KANSL1: variants seen among roughly 807,000 people sequenced by gnomAD.
KANSL1 encodes MLL1/MLL complex subunit KANSL1.
In KANSL1, 22 loss-of-function variants were observed where a neutral mutation model predicts 103.6. The ratio of observed to expected loss-of-function variants is 0.21; its 90% CI spans 0.15 to 0.30. The LOEUF is 0.30. Among genes scored for constraint, KANSL1 ranks in the 10% least tolerant of loss-of-function variants. KANSL1 has a pLI of 1.00. For synonymous variants in KANSL1, 600 were observed against 527.6 expected (o/e 1.14, Z -1.88); for missense variants, 1,337 against 1,399.8 (o/e 0.96, Z 0.72).
At chr17:46,102,947 C>T (rs1262169351) in intron 2 of KANSL1, among the ~76,000 whole-genome samples, 4 of 152,164 alleles carry the variant, frequency 2.6e-5, no homozygotes, top group Admixed American at 2.0e-4. Context: ...TTTAAACAGA[C>T]CTCCAAAGCA....
intron 1 of KANSL1, among the ~76,000 whole-genome samples, chr17:46,185,944 C>T (rs1163565588): frequency 2.6e-5 from 4 of 152,036 alleles, no homozygotes; most frequent in Non-Finnish European, 5.9e-5. Context: ...ATTCAAATTT[C>T]CTACCACTCT....
At chr17:46,225,247 A>G (rs1453687910), upstream of KANSL1, 2 of 152,754 alleles carry the variant, frequency 1.3e-5, no homozygotes, top group Admixed American at 6.6e-5. Flanking sequence ...CGGGTCAGGG[A>G]CACCTCCTCT....
chr17:46,224,227 T>A (rs1442716379), upstream of KANSL1, among the ~76,000 whole-genome samples: 3 of 152,204 alleles, frequency 2.0e-5, no homozygotes, highest in Non-Finnish European at 2.9e-5. Context: ...AGTTTCAGAG[T>A]CAATTCCACA....
At chr17:46,202,661 G>C (rs1302917967) in intron 1 of KANSL1, among the ~76,000 whole-genome samples, 4 of 152,100 alleles carry the variant, frequency 2.6e-5, no homozygotes, top group Non-Finnish European at 5.9e-5. Flanking sequence ...AACATGACTG[G>C]AATTCAGGAA....
rs5820607 is a variant in KANSL1 at position 46,030,590 on chromosome 17, G to GA, written c.*885dup. 21,141 of 142,312 alleles carry GA rather than the reference G, an allele frequency of 0.15. 1,760 individuals carry two copies. Among genetic ancestry groups the GA allele is most frequent in the East Asian group, 0.45 (2,227 of 4,906 alleles). The allele number at this position is 142,312 out of a possible 1,614,324, so 8.8% of individuals were successfully genotyped here. On this transcript the variant is annotated 3_prime_UTR_variant, in exon 15 of 15. Transcript: ENST00000432791. ...GAAACATGGCAAAGTGAATCAGAGG[G>GA]AAAAAAAAAAAAAATCACACAGGGA...
intron 2 of KANSL1, among the ~76,000 whole-genome samples, chr17:46,156,165 T>A (rs1016749011): frequency 6.6e-6 from 1 of 152,130 alleles, no homozygotes; most frequent in Non-Finnish European, 1.5e-5. Flanking sequence ...CTGACCAACA[T>A]GGTGAAACCC....
intron 2 of KANSL1, among the ~76,000 whole-genome samples, chr17:46,108,952 G>T (rs569769934): frequency 4.7e-4 from 71 of 152,262 alleles, no homozygotes; most frequent in African/African-American, 1.3e-3. Flanking sequence ...ATATTTGAGA[G>T]CTCTTCTTTT....
intron 4 of KANSL1, among the ~76,000 whole-genome samples, chr17:46,081,686 G>A (rs998019926): frequency 1.3e-5 from 2 of 152,138 alleles, no homozygotes; most frequent in Non-Finnish European, 2.9e-5. Context: ...GTTTATTTGC[G>A]GATACAAGAA....
chr17:46,114,479 C>T (rs2042958454), intron 2 of KANSL1, among the ~76,000 whole-genome samples: 1 of 152,210 alleles, frequency 6.6e-6, no homozygotes, highest in Non-Finnish European at 1.5e-5. Context: ...AGAACTAAAA[C>T]TAGAAAAACT....
intron 6 of KANSL1, among the ~76,000 whole-genome samples, chr17:46,062,419 C>T (rs1050741925): frequency 6.9e-5 from 9 of 130,730 alleles, no homozygotes; most frequent in East Asian, 5.0e-4. Context: ...AGTGCTGTGG[C>T]GAGATCTCAG....
intron 2 of KANSL1, among the ~76,000 whole-genome samples, chr17:46,120,213 A>G (rs2043219387): frequency 6.6e-6 from 1 of 152,254 alleles, no homozygotes; most frequent in African/African-American, 2.4e-5. Flanking sequence ...AAGTTAAAAA[A>G]GAATCTTAAA....
At chr17:46,158,402 C>T (rs1197429466) in intron 2 of KANSL1, among the ~76,000 whole-genome samples, 1 of 151,698 alleles carries the variant, frequency 6.6e-6, no homozygotes. Context: ...CTCAGTCGCC[C>T]AGCTGGAGTG....
intron 6 of KANSL1, among the ~76,000 whole-genome samples, chr17:46,052,926 T>C (rs1182608932): frequency 2.4e-5 from 3 of 122,754 alleles, no homozygotes; most frequent in Non-Finnish European, 4.7e-5. Flanking sequence ...ATTGCACCAC[T>C]GCACTGCAGC....
chr17:46,170,555 A>G (rs2046231056), intron 2 of KANSL1: 1 of 409,600 alleles, frequency 2.4e-6, no homozygotes, highest in Non-Finnish European at 4.2e-6. Context: ...AGAAATCTAA[A>G]TTCACTCTTA....
chr17:46,072,038 T>G (rs936492853), intron 4 of KANSL1, among the ~76,000 whole-genome samples: 2 of 143,422 alleles, frequency 1.4e-5, no homozygotes, highest in African/African-American at 5.1e-5. Flanking sequence ...ATTACTAACA[T>G]AGCAATGAGA....
At chr17:46,112,969 C>A (rs2042886969) in intron 2 of KANSL1, among the ~76,000 whole-genome samples, 1 of 152,312 alleles carries the variant, frequency 6.6e-6, no homozygotes, top group Non-Finnish European at 1.5e-5. Context: ...GACCCGCCCA[C>A]CTTGGCCTCC....
Position 46,039,477 on chromosome 17 carries a change from C to A in KANSL1, c.2203+225G>T, listed in dbSNP as rs16940845. The A allele has an allele frequency of 0.38, 229,228 of 609,240 alleles. 46,263 individuals are homozygous for A. The highest frequency in any genetic ancestry group is 0.56 in the South Asian group (24,869 of 44,148). The allele number at this position is 609,240 out of a possible 1,614,324, so 37.7% of individuals were successfully genotyped here. A position where few individuals can be genotyped will look rare whatever the true frequency, so the allele number is the denominator to read the frequency against. On this transcript the variant is annotated intron_variant, in intron 8 of 14. Transcript: ENST00000432791. ...ATGCCATGCCATTGCTGGCTGTTCA[C>A]TGAGCATTTTGGGTCTTGCTCCAAG... is the stretch of plus-strand genomic sequence containing the variant.
At chr17:46,043,835 C>T (rs181581723) in intron 7 of KANSL1, 2 of 152,222 alleles carry the variant, frequency 1.3e-5, no homozygotes, top group East Asian at 1.9e-4. Flanking sequence ...CTCCAGTTGA[C>T]GTATTAAGCG....
At chr17:46,178,820 A>C (rs1474221130) in intron 1 of KANSL1, among the ~76,000 whole-genome samples, 1 of 152,202 alleles carries the variant, frequency 6.6e-6, no homozygotes, top group African/African-American at 2.4e-5. Context: ...TACATCTATT[A>C]ATATCAAGCA....
Sources: gnomAD v4.1 joint callset for allele counts (sites outside exome capture counted in the v4.1 genomes callset) on GRCh38, gnomAD v4.1.1 for gene constraint, MANE v1.5 for transcripts, NCBI Gene and HGNC (gene_info 2026-07-23, HGNC 2026-07-21) for gene names.